Variants in SYCE1L observed in about 807,000 individuals in gnomAD.
SYCE1L encodes synaptonemal complex central element protein 1 like, also known as synaptonemal complex central element protein 1-like.
Under a neutral mutation model 39.6 loss-of-function variants are expected in SYCE1L, and 51 were observed. That is an observed-to-expected ratio of 1.29 (90% CI 1.03 to 1.63). The LOEUF (loss-of-function observed/expected upper bound fraction) is 1.63. Among genes scored for constraint, SYCE1L ranks in the 40% most tolerant of loss-of-function variants. SYCE1L has a pLI of 0.00. For synonymous variants in SYCE1L, 147 were observed against 122.4 expected (o/e 1.20, Z -1.33); for missense variants, 426 against 304.9 (o/e 1.40, Z -2.96).
intron 1 of SYCE1L, among the ~76,000 whole-genome samples, chr16:77,204,131 C>A (rs1033688261): frequency 6.6e-6 from 1 of 152,018 alleles, no homozygotes; most frequent in Non-Finnish European, 1.5e-5. Flanking sequence ...ATTTTGGGGC[C>A]TGAGACAGGT....
rs143505778 is a variant in SYCE1L at position 77,208,108 on chromosome 16, T to C, written c.122-102T>C. 5.1e-4 allele frequency: 616 copies of C among 1,201,772 alleles called. 8 individuals are homozygous for C. In the East Asian group the frequency reaches 0.015, roughly 29 times the overall value. The allele number at this position is 1,201,772 out of a possible 1,614,324, so 74.4% of individuals were successfully genotyped here. On this transcript the variant is annotated intron_variant, in intron 2 of 10. Transcript: ENST00000378644. ...CAACACACAGCAGGCGCTCAATATATGCCGGTTAATTGATAGCAGCAGACA... is the reference window on the plus strand; with the variant it reads ...CAACACACAGCAGGCGCTCAATATACGCCGGTTAATTGATAGCAGCAGACA...
In SYCE1L at chr16:77,208,335, C is replaced by T. The variant is rs2054799822; in HGVS notation, c.181+66C>T. 4.5e-6 allele frequency: 7 copies of T among 1,541,954 alleles called. No individual in the cohort carries two copies. The Admixed American group carries it at 1.4e-4, about 31-fold the overall frequency. ...GAAGTGACTGGATTTATAATGAATC[C>T]ACCTCCTCATCTATAAAATCTAGGC... On this transcript the variant is annotated intron_variant, in intron 3 of 10. Transcript: ENST00000378644.
At chr16:77,212,074 G>A (rs9924848) in intron 7 of SYCE1L, 56 bp from the exon 8 acceptor site, 234,360 of 1,506,300 alleles carry the variant, frequency 0.16, 18,888 homozygotes, top group Middle Eastern at 0.2. Context: ...GGGGAGGGGC[G>A]GGCCGTGTAG....
chr16:77,212,021 T>G (rs766327306), intron 7 of SYCE1L, 109 bp from the exon 8 acceptor site: 1 of 1,213,508 alleles, frequency 8.2e-7, no homozygotes, highest in Non-Finnish European at 1.1e-6. Flanking sequence ...GTTGAATGAA[T>G]GAATGACCTA....
intron 1 of SYCE1L, among the ~76,000 whole-genome samples, chr16:77,203,690 G>T: frequency 6.7e-6 from 1 of 148,340 alleles, no homozygotes; most frequent in African/African-American, 2.5e-5. Flanking sequence ...CATCTCCCGG[G>T]TTCTAGTGAT....
chr16:77,207,108 A>T (rs2054790941), intron 2 of SYCE1L, among the ~76,000 whole-genome samples: 1 of 152,174 alleles, frequency 6.6e-6, no homozygotes, highest in African/African-American at 2.4e-5. Flanking sequence ...AATTAGGGAG[A>T]GAAATTGCAG....
chr16:77,209,374 C>T, intron 5 of SYCE1L, 43 bp from the exon 6 acceptor site: 1 of 1,549,536 alleles, frequency 6.5e-7, no homozygotes, highest in Non-Finnish European at 8.7e-7. Flanking sequence ...AACCCTGACT[C>T]CCCAAGAGCT....
chr16:77,204,260 A>G (rs2054769204), intron 1 of SYCE1L, among the ~76,000 whole-genome samples: 1 of 152,224 alleles, frequency 6.6e-6, no homozygotes, highest in Non-Finnish European at 1.5e-5. Context: ...AGCACAAAGA[A>G]TAATGTACAA....
chr16:77,210,586 C>G (rs2054815674), intron 6 of SYCE1L, among the ~76,000 whole-genome samples: 1 of 151,908 alleles, frequency 6.6e-6, no homozygotes, highest in African/African-American at 2.4e-5. Context: ...AACTGAGACC[C>G]AGAGAGGTTA....
intron 4 of SYCE1L, 102 bp from the exon 5 acceptor site, chr16:77,208,995 A>T: frequency 7.8e-7 from 1 of 1,289,314 alleles, no homozygotes; most frequent in Admixed American, 2.0e-5. Flanking sequence ...CACCTCTCCT[A>T]GGGCTGTACT....
chr16:77,209,535 G>A, intron 6 of SYCE1L, 64 bp downstream of exon 6: 1 of 1,529,230 alleles, frequency 6.5e-7, no homozygotes, highest in Non-Finnish European at 8.9e-7. Flanking sequence ...GGGAGCAAGA[G>A]CTGTGGAAAT....
rs2054836326 is a variant in SYCE1L at position 77,212,901 on chromosome 16, G to A, written c.699G>A (p.Glu233=). The A allele has an allele frequency of 3.9e-6, 6 of 1,529,118 alleles. No homozygotes were observed. Among genetic ancestry groups the A allele is most frequent in the Non-Finnish European group, 4.4e-6 (5 of 1,140,134 alleles). 94.7% of individuals were successfully genotyped at this position (1,529,118 alleles called of 1,614,324 possible). The change falls in exon 11 of 11, where the codon GAG becomes GAA. Residue 233 remains glutamate, a synonymous_variant. Transcript: ENST00000378644. ...GCGCTCGCGACGAGGAGGATCCCGA[G>A]CCGCCGGTGGCTGCCCCTGACGCCC... ...LPRARDEEDP[E]PPVAAPDAL
At position 77,212,878 on chromosome 16, in the gene SYCE1L, G is replaced by C. The variant is rs757598108; in HGVS notation, c.676G>C (p.Ala226Pro). The C allele has an allele frequency of 6.6e-7, 1 of 1,522,808 alleles. No homozygotes were observed. Among genetic ancestry groups the C allele is most frequent in the South Asian group, 1.2e-5 (1 of 82,082 alleles). The allele number at this position is 1,522,808 out of a possible 1,614,324, so 94.3% of individuals were successfully genotyped here. The stretch of plus-strand genomic sequence containing the variant: ...GCAGGCCGGACCTGAGCTCCCCCGC[G>C]CTCGCGACGAGGAGGATCCCGAGCC... ...EGEAGPELPR[A>P]RDEEDPEPPV... is the part of the protein sequence containing the mutation. Residue 226 changes from alanine to proline, a missense_variant, in exon 11 of 11, where the codon GCT (alanine) becomes CCT (proline). Physicochemically the swap from Ala to Pro is conservative, Grantham distance 27 (BLOSUM62 -1). Coordinates refer to ENST00000378644, the MANE Select transcript of SYCE1L (RefSeq NM_001129979.3).
In SYCE1L at chr16:77,209,490, G is replaced by A. The variant is rs1021505196; in HGVS notation, c.359+19G>A. 2.6e-6 allele frequency: 4 copies of A among 1,551,502 alleles called. No homozygotes were observed. Among genetic ancestry groups the A allele is most frequent in the Non-Finnish European group, 3.5e-6 (4 of 1,146,944 alleles). Reference sequence around the variant, plus strand: ...CTCAGAGGTAAGAGGCCCTGCCTCAGCTCTTCCCTACCTCATTCCCCAGCT... The same window carrying A: ...CTCAGAGGTAAGAGGCCCTGCCTCAACTCTTCCCTACCTCATTCCCCAGCT... On this transcript the variant is annotated intron_variant, in intron 6 of 10. Coordinates refer to ENST00000378644, the MANE Select transcript of SYCE1L (RefSeq NM_001129979.3).
At chr16:77,201,096 T>G (rs2054737619) in intron 1 of SYCE1L, 1 of 152,194 alleles carries the variant, frequency 6.6e-6, no homozygotes, top group Non-Finnish European at 1.5e-5. Context: ...CAGAGACTGT[T>G]TACCTCTCGC....
chr16:77,209,295 G>A (rs1253788987), intron 5 of SYCE1L, 122 bp from the exon 6 acceptor site: 12 of 1,353,278 alleles, frequency 8.9e-6, no homozygotes, highest in Non-Finnish European at 1.2e-5. Context: ...ACATCACTTG[G>A]AGTAAACACC....
At chr16:77,208,888 C>A (rs952771002) in intron 4 of SYCE1L, among the ~76,000 whole-genome samples, 1 of 152,196 alleles carries the variant, frequency 6.6e-6, no homozygotes, top group Non-Finnish European at 1.5e-5. Flanking sequence ...GGTCTTCACT[C>A]CTTCAACATT....
At chr16:77,202,694 T>C (rs1461878113) in intron 1 of SYCE1L, among the ~76,000 whole-genome samples, 1 of 152,206 alleles carries the variant, frequency 6.6e-6, no homozygotes, top group Non-Finnish European at 1.5e-5. Flanking sequence ...TGGGGTCAGC[T>C]AAGAAAATGT....
intron 6 of SYCE1L, 100 bp from the exon 7 acceptor site, chr16:77,211,113 G>C: frequency 7.7e-7 from 1 of 1,294,972 alleles, no homozygotes; most frequent in African/African-American, 1.5e-5. Flanking sequence ...GCTCCCAGCA[G>C]AGGGAGCATG....
Sources: gnomAD v4.1 joint callset for allele counts (sites outside exome capture counted in the v4.1 genomes callset) on GRCh38, gnomAD v4.1.1 for gene constraint, MANE v1.5 for transcripts, NCBI Gene and HGNC (gene_info 2026-07-23, HGNC 2026-07-21) for gene names.